FGD3: variants seen among roughly 807,000 people sequenced by gnomAD.
The protein encoded by FGD3 is FYVE, RhoGEF and PH domain containing 3.
A neutral mutation model predicts 71.8 loss-of-function variants in FGD3; 45 were observed. The observed-to-expected ratio is 0.63, with a 90% CI of 0.49 to 0.80. FGD3 has a LOEUF of 0.80. Ranked by LOEUF, FGD3 falls within the 30% of genes least tolerant of loss-of-function variation. The probability of loss-of-function intolerance (pLI) is 0.00; values close to 1 mark genes in which losing one functional copy is unlikely to be tolerated. For missense variants in FGD3, 844 were observed against 951.5 expected (o/e 0.89, Z 1.49); for synonymous variants, 378 against 392.8 (o/e 0.96, Z 0.44).
chr9:92,998,722 T>C (rs1439017241), intron 3 of FGD3, among the ~76,000 whole-genome samples: 1 of 152,240 alleles, frequency 6.6e-6, no homozygotes, highest in Non-Finnish European at 1.5e-5. Context: ...TGCAGGTCTG[T>C]TGGAGTTTGC....
chr9:93,029,842 G>T, intron 14 of FGD3, 32 bp from the exon 15 acceptor site: 1 of 1,604,524 alleles, frequency 6.2e-7, no homozygotes. Flanking sequence ...ACATGATTCA[G>T]AAGCTGATGG....
At chr9:92,988,273 T>C (rs542651166) in intron 3 of FGD3, among the ~76,000 whole-genome samples, 1 of 152,322 alleles carries the variant, frequency 6.6e-6, no homozygotes, top group South Asian at 2.1e-4. Flanking sequence ...GGCTCCAAGC[T>C]ACCACCATTC....
intron 14 of FGD3, among the ~76,000 whole-genome samples, chr9:93,027,715 C>CTTTTTTTT (rs1199094054): frequency 1.5e-3 from 157 of 101,988 alleles, no homozygotes; most frequent in Non-Finnish European, 1.8e-3. Context: ...TTCTTTCTTT[C>CTTTTTTTT]TTTTTTTTTT....
chr9:92,992,520 G>A (rs1051771081), intron 3 of FGD3, among the ~76,000 whole-genome samples: 1 of 152,186 alleles, frequency 6.6e-6, no homozygotes, highest in Non-Finnish European at 1.5e-5. Context: ...CTGGGTTGGA[G>A]TGGCAGACTG....
intron 3 of FGD3, among the ~76,000 whole-genome samples, chr9:92,984,431 T>C (rs1241383851): frequency 6.6e-5 from 10 of 152,240 alleles, no homozygotes; most frequent in Non-Finnish European, 1.5e-4. Context: ...TTATACTACA[T>C]GTTGCTGTAT....
At chr9:93,028,068 A>G (rs1009321492) in intron 14 of FGD3, among the ~76,000 whole-genome samples, 1 of 151,914 alleles carries the variant, frequency 6.6e-6, no homozygotes, top group African/African-American at 2.4e-5. Flanking sequence ...TTTTAAGCGT[A>G]TGTTGTTTAG....
chr9:93,028,775 G>T (rs886428142), intron 14 of FGD3, among the ~76,000 whole-genome samples: 1 of 152,134 alleles, frequency 6.6e-6, no homozygotes, highest in African/African-American at 2.4e-5. Context: ...AGTCATCCAG[G>T]GTTGCAGGGC....
rs150638453 is a variant in FGD3, at chr9:93,013,785, C to T, written c.1036-67C>T. 471 of 1,595,496 alleles carry T rather than the reference C, an allele frequency of 3.0e-4. 6 individuals carry two copies. The East Asian group carries it at 0.011, about 36-fold the overall frequency. ...TGGGCCACGGTTGCAGGGAAGGACT[C>T]CGTGCATCTCTAGGTCACCAGCCAC... On this transcript the variant is annotated intron_variant, in intron 8 of 17. Transcript: ENST00000375482.
rs1441700254 is a variant in FGD3, at chr9:93,033,060, TGGCTTCTC to T, written c.1785+190_1785+197del. 8.9e-6 allele frequency: 6 copies of T among 675,414 alleles called. No individual in the cohort carries two copies. In the Admixed American group the frequency reaches 1.2e-4, roughly 14 times the overall value. 41.8% of individuals were successfully genotyped at this position (675,414 alleles called of 1,614,324 possible). ...CTCGGAAGATCCCGTGTGTGCACGC[TGGCTTCTC>T]GGGACCAGCCAGGGCCAAGGCTTGG... On this transcript the variant is annotated intron_variant, in intron 16 of 17. Coordinates refer to ENST00000375482, the MANE Select transcript of FGD3 (RefSeq NM_001083536.2).
In FGD3 at chr9:93,034,620, A is replaced by AGG; in HGVS notation, c.1866_1867dup (p.Val623GlyfsTer36). On this transcript the variant is annotated frameshift_variant, in exon 17 of 18. Transcript: ENST00000375482. LOFTEE classifies it high-confidence loss of function. ...TCAGAGAGCGGTGAGACCTGGAGCG[A>AGG]GGTGTGGGCCGCCATCCCCATGTCA... 6.2e-7 allele frequency: 1 copy of AGG among 1,613,420 alleles called. No individual in the cohort carries two copies. Among genetic ancestry groups the AGG allele is most frequent in the Non-Finnish European group, 8.5e-7 (1 of 1,179,836 alleles).
intron 9 of FGD3, among the ~76,000 whole-genome samples, chr9:93,014,566 T>A (rs1398589658): frequency 1.3e-5 from 2 of 152,136 alleles, no homozygotes; most frequent in African/African-American, 4.8e-5. Flanking sequence ...TAAAACTCAT[T>A]TTTGCTTTAC....
intron 9 of FGD3, among the ~76,000 whole-genome samples, chr9:93,014,476 C>T (rs1336112330): frequency 6.6e-6 from 1 of 151,976 alleles, no homozygotes; most frequent in Non-Finnish European, 1.5e-5. Flanking sequence ...CCTCCATTTT[C>T]CTCTAGCTTC....
intron 14 of FGD3, among the ~76,000 whole-genome samples, chr9:93,028,138 C>T (rs925501424): frequency 1.3e-5 from 2 of 151,826 alleles, no homozygotes; most frequent in Non-Finnish European, 1.5e-5. Context: ...GAGTATCCCT[C>T]CCCAGCTCCA....
chr9:93,017,849 CG>C (rs940248198), intron 10 of FGD3, among the ~76,000 whole-genome samples: 11 of 148,742 alleles, frequency 7.4e-5, no homozygotes, highest in African/African-American at 2.7e-4. Flanking sequence ...GGATGCCTGA[CG>C]GGCTGGGTGT....
chr9:93,015,827 C>G lies in FGD3; in HGVS notation c.1273C>G (p.Gln425Glu), dbSNP rs201899497. The change falls in exon 10 of 18, where the codon CAG becomes GAG. Residue 425 changes from glutamine (Q) to glutamate (E), a missense_variant and splice_region_variant. Coordinates refer to ENST00000375482, the MANE Select transcript of FGD3 (RefSeq NM_001083536.2). ...GGAGAAGATGGACATCTCAGGCCTC[C>G]AGGTGGGTGAGCTCCTCCATCTCAA... ...VREKMDISGL[Q>E]VQDIVKPNTA... The G allele has an allele frequency of 6.2e-7, 1 of 1,614,064 alleles. No individual in the cohort carries two copies. The highest frequency in any genetic ancestry group is 2.2e-5 in the East Asian group (1 of 44,880).
At chr9:93,031,074 T>A (rs574049558) in intron 15 of FGD3, among the ~76,000 whole-genome samples, 1 of 150,938 alleles carries the variant, frequency 6.6e-6, no homozygotes, top group African/African-American at 2.4e-5. Context: ...GGTGGATGGA[T>A]GGATGGATGG....
intron 11 of FGD3, among the ~76,000 whole-genome samples, chr9:93,018,875 G>C (rs375627525): frequency 3.3e-5 from 5 of 151,742 alleles, no homozygotes. Context: ...TTTTTGAGAC[G>C]GAGTTTCGCT....
intron 15 of FGD3, among the ~76,000 whole-genome samples, chr9:93,032,100 T>C (rs10115813): frequency 0.24 from 36,052 of 151,986 alleles, 4,612 homozygotes; most frequent in African/African-American, 0.35. Context: ...TCCATTCATC[T>C]GCCGATGGAC....
At chr9:92,974,657 C>G (rs951163604) in intron 1 of FGD3, 4 of 152,342 alleles carry the variant, frequency 2.6e-5, no homozygotes, top group Admixed American at 1.3e-4. Flanking sequence ...TCACTGTGTG[C>G]CTGTCACTGT....
Sources: gnomAD v4.1 joint callset for allele counts (sites outside exome capture counted in the v4.1 genomes callset) on GRCh38, gnomAD v4.1.1 for gene constraint, MANE v1.5 for transcripts, NCBI Gene and HGNC (gene_info 2026-07-23, HGNC 2026-07-21) for gene names.